Variants in RCAN2 observed in about 807,000 individuals in gnomAD.
RCAN2 encodes calcipressin-2.
Under a neutral mutation model 23.6 loss-of-function variants are expected in RCAN2, and 9 were observed. The observed-to-expected ratio is 0.38, with a 90% CI of 0.23 to 0.67. The LOEUF (loss-of-function observed/expected upper bound fraction) is 0.67, where lower values mean the gene tolerates loss of function less well. Ranked by LOEUF, RCAN2 falls within the 30% of genes least tolerant of loss-of-function variation. The pLI, the probability that RCAN2 is intolerant of heterozygous loss-of-function variation, is 0.51. For synonymous variants in RCAN2, 109 were observed against 115.7 expected (o/e 0.94, Z 0.37); for missense variants, 273 against 302.3 (o/e 0.90, Z 0.72).
At position 46,325,348 on chromosome 6, in the gene RCAN2, G is replaced by T. The variant is rs865940388; in HGVS notation, c.226-76452C>A. 6.8e-6 allele frequency: 11 copies of T among 1,609,264 alleles called. No individual in the cohort carries two copies. The African/African-American group carries it at 1.3e-4, about 20-fold the overall frequency. ...CATGCTAAAAAGGCTCTGCCAAGCA[G>T]CGTCAGTAACAGCAACAATGAAAAA... On this transcript the variant is annotated intron_variant, in intron 2 of 4. Transcript: ENST00000371374.
chr6:46,292,695 T>C (rs1166222708), intron 2 of RCAN2, among the ~76,000 whole-genome samples: 3 of 152,172 alleles, frequency 2.0e-5, no homozygotes, highest in Admixed American at 1.3e-4. Context: ...CACTTATCCA[T>C]TGATCCTGCC....
At position 46,246,779 on chromosome 6, in the gene RCAN2, G is replaced by T; in HGVS notation, c.540C>A (p.Asp180Glu). The T allele has an allele frequency of 6.2e-7, 1 of 1,613,712 alleles. No homozygotes were observed. The highest frequency in any genetic ancestry group is 8.5e-7 in the Non-Finnish European group (1 of 1,179,826). The change falls in exon 4 of 5, where the codon GAC becomes GAA. Residue 180 changes from aspartate (D) to glutamate (E), a missense_variant. Coordinates refer to ENST00000371374, the MANE Select transcript of RCAN2 (RefSeq NM_001251974.2). Reference protein sequence around the residue: ...INDATPVLNYDLLYAVAKLGP... With the variant: ...INDATPVLNYELLYAVAKLGP... Reference sequence around the variant, plus strand: ...CTAGTTTGGCCACAGCATAGAGGAGGTCATAGTTGAGGACTGGCGTGGCAT... The same window carrying T: ...CTAGTTTGGCCACAGCATAGAGGAGTTCATAGTTGAGGACTGGCGTGGCAT...
intron 1 of RCAN2, among the ~76,000 whole-genome samples, chr6:46,482,120 C>T (rs1582237776): frequency 6.6e-6 from 1 of 151,982 alleles, no homozygotes; most frequent in East Asian, 1.9e-4. Flanking sequence ...TCTCACTAAA[C>T]TAGATTATGA....
intron 2 of RCAN2, among the ~76,000 whole-genome samples, chr6:46,337,448 A>G (rs1026842924): frequency 6.6e-5 from 10 of 152,202 alleles, no homozygotes; most frequent in African/African-American, 2.4e-4. Flanking sequence ...TGAGGTGTAA[A>G]CATGTGAAAG....
intron 2 of RCAN2, among the ~76,000 whole-genome samples, chr6:46,262,170 G>A (rs1767131216): frequency 6.6e-6 from 1 of 151,604 alleles, no homozygotes; most frequent in Non-Finnish European, 1.5e-5. Context: ...TTTAAGCTGG[G>A]GCCTCTAAAT....
intron 2 of RCAN2, among the ~76,000 whole-genome samples, chr6:46,396,578 T>C (rs1376161824): frequency 1.3e-5 from 2 of 152,204 alleles, no homozygotes; most frequent in African/African-American, 4.8e-5. Context: ...AGGGTTGAGA[T>C]TCAGCTGTGC....
At chr6:46,343,411 T>G (rs1245803861) in intron 2 of RCAN2, among the ~76,000 whole-genome samples, 3 of 146,914 alleles carry the variant, frequency 2.0e-5, no homozygotes, top group Non-Finnish European at 4.5e-5. Context: ...AGTCTCGCTC[T>G]GTCGCCCAGG....
intron 2 of RCAN2, among the ~76,000 whole-genome samples, chr6:46,302,782 G>A: frequency 6.6e-6 from 1 of 152,044 alleles, no homozygotes; most frequent in East Asian, 1.9e-4. Context: ...GAGGCACTGT[G>A]CTCTGGGCTT....
intron 2 of RCAN2, among the ~76,000 whole-genome samples, chr6:46,341,001 C>T (rs780241390): frequency 2.4e-4 from 36 of 151,960 alleles, no homozygotes; most frequent in Non-Finnish European, 4.1e-4. Context: ...GAAAACTGAG[C>T]TTAAGAAATG....
At chr6:46,257,355 G>C (rs550689555) in intron 2 of RCAN2, among the ~76,000 whole-genome samples, 34 of 152,252 alleles carry the variant, frequency 2.2e-4, no homozygotes, top group African/African-American at 7.9e-4. Flanking sequence ...TGGAATTTTT[G>C]TTGTCCTTGA....
chr6:46,440,929 G>C (rs1767522941), intron 2 of RCAN2, among the ~76,000 whole-genome samples: 1 of 152,120 alleles, frequency 6.6e-6, no homozygotes, highest in Non-Finnish European at 1.5e-5. Context: ...AAAACTCAAG[G>C]CTATGATATA....
At chr6:46,303,251 T>C (rs1762963437) in intron 2 of RCAN2, among the ~76,000 whole-genome samples, 1 of 151,932 alleles carries the variant, frequency 6.6e-6, no homozygotes, top group African/African-American at 2.4e-5. Flanking sequence ...GATGTATATC[T>C]TCATATTAGC....
Position 46,467,947 on chromosome 6 carries a change from G to C in RCAN2, c.-2-10969C>G, listed in dbSNP as rs1233296658. 3.3e-5 allele frequency among the ~76,000 whole-genome samples: 5 copies of C among 152,276 alleles called. No individual in the cohort carries two copies. In the East Asian group the frequency reaches 9.7e-4, roughly 29 times the overall value. On this transcript the variant is annotated intron_variant, in intron 1 of 4. Transcript: ENST00000371374. ...AGGAGAAGATGGACTGACAGTAGTG[G>C]CTGGCCCTGGAGTCTGAATCCTCTT...
At chr6:46,448,174 T>C (rs1767768228) in intron 2 of RCAN2, among the ~76,000 whole-genome samples, 1 of 151,572 alleles carries the variant, frequency 6.6e-6, no homozygotes, top group Non-Finnish European at 1.5e-5. Flanking sequence ...ACCACAAGAA[T>C]ACAAAAGATC....
chr6:46,372,195 T>C (rs750610662), intron 2 of RCAN2, among the ~76,000 whole-genome samples: 4 of 152,224 alleles, frequency 2.6e-5, no homozygotes, highest in African/African-American at 4.8e-5. Context: ...TGATGACTAG[T>C]ACATGACAGC....
chr6:46,283,097 G>T lies in RCAN2; in HGVS notation c.226-34201C>A, dbSNP rs760378311. Among the ~76,000 whole-genome samples, 93 of 152,288 alleles carry T rather than the reference G, an allele frequency of 6.1e-4. 1 individual carries two copies. Among genetic ancestry groups the T allele is most frequent in the South Asian group, 2.1e-3 (10 of 4,820 alleles). On this transcript the variant is annotated intron_variant, in intron 2 of 4. Coordinates refer to ENST00000371374, the MANE Select transcript of RCAN2 (RefSeq NM_001251974.2). Reference sequence around the variant, plus strand: ...GAGAAATCCAGGGAATCTCAGGAAAGGGGCTGAGTGACCAAGGCAGCACTG... The same window carrying T: ...GAGAAATCCAGGGAATCTCAGGAAATGGGCTGAGTGACCAAGGCAGCACTG...
At chr6:46,375,941 C>T (rs1311713756) in intron 2 of RCAN2, among the ~76,000 whole-genome samples, 1 of 152,204 alleles carries the variant, frequency 6.6e-6, no homozygotes, top group African/African-American at 2.4e-5. Flanking sequence ...GTTTGCCAAT[C>T]TCTGTTCTAT....
At chr6:46,371,795 T>C (rs1326009516) in intron 2 of RCAN2, among the ~76,000 whole-genome samples, 1 of 152,184 alleles carries the variant, frequency 6.6e-6, no homozygotes, top group Non-Finnish European at 1.5e-5. Context: ...AATGGGGCTT[T>C]CTTAGGAAGA....
intron 1 of RCAN2, among the ~76,000 whole-genome samples, chr6:46,463,336 T>C (rs764348677): frequency 1.3e-5 from 2 of 152,238 alleles, no homozygotes; most frequent in African/African-American, 2.4e-5. Context: ...AAAACAGAAG[T>C]CAAACCAGAG....
Sources: allele counts gnomAD v4.1 joint callset (sites outside exome capture counted in the v4.1 genomes callset), GRCh38; gene constraint gnomAD v4.1.1; transcripts MANE v1.5; gene names NCBI Gene and HGNC (gene_info 2026-07-23, HGNC 2026-07-21).